FRRS1: variants seen among roughly 807,000 people sequenced by gnomAD.
The protein encoded by FRRS1 is ferric chelate reductase 1, also known as ferric reductase 1.
A neutral mutation model predicts 70.7 loss-of-function variants in FRRS1; 51 were observed. The observed-to-expected ratio is 0.72, with a 90% confidence interval of 0.58 to 0.91. FRRS1 has a LOEUF of 0.91. Ranked by LOEUF, FRRS1 falls within the 40% of genes least tolerant of loss-of-function variation. The probability of loss-of-function intolerance (pLI) is 0.00; values close to 1 mark genes in which losing one functional copy is unlikely to be tolerated. For synonymous variants in FRRS1, 225 were observed against 238.7 expected (o/e 0.94, Z 0.53); for missense variants, 672 against 726.0 (o/e 0.93, Z 0.86).
Position 99,748,568 on chromosome 1 carries a change from G to A in FRRS1, c.196+5C>T, listed in dbSNP as rs557642540. The A allele has an allele frequency of 2.1e-5, 33 of 1,608,988 alleles. No homozygotes were observed. The highest frequency in any genetic ancestry group is 6.7e-5 in the Admixed American group (4 of 59,862). ...AAATGTAAACAGTTAATCCCAGCAC[G>A]GTACCTTCAATCTGATCTCCTGGCC... On this transcript the variant is annotated splice_donor_5th_base_variant and intron_variant, in intron 3 of 16. Coordinates refer to ENST00000646001, the MANE Select transcript of FRRS1 (RefSeq NM_001361041.2).
Position 99,708,968 on chromosome 1 carries a change from A to C in FRRS1, c.*60T>G. On this transcript the variant is annotated 3_prime_UTR_variant, in exon 17 of 17. Transcript: ENST00000646001. ...CTCCAGGCAGTCAGGACAGGCTTCAAGTTTCTTTGGTTTGATGATAATTAT... is the reference window on the plus strand; with the variant it reads ...CTCCAGGCAGTCAGGACAGGCTTCACGTTTCTTTGGTTTGATGATAATTAT... The C allele has an allele frequency of 1.2e-6, 2 of 1,614,076 alleles. No homozygotes were observed. Among genetic ancestry groups the C allele is most frequent in the Non-Finnish European group, 1.7e-6 (2 of 1,180,010 alleles).
At chr1:99,739,249 C>T (rs1655835207) in intron 6 of FRRS1, among the ~76,000 whole-genome samples, 1 of 152,172 alleles carries the variant, frequency 6.6e-6, no homozygotes, top group Non-Finnish European at 1.5e-5. Flanking sequence ...AAACCTTTGA[C>T]TCTGAATGAA....
chr1:99,753,131 TGA>T, intron 1 of FRRS1, among the ~76,000 whole-genome samples: 1 of 151,448 alleles, frequency 6.6e-6, no homozygotes, highest in Non-Finnish European at 1.5e-5. Flanking sequence ...GAGGATCCAT[TGA>T]GCCCAAGAAT....
chr1:99,719,211 C>T (rs561039727), intron 10 of FRRS1, among the ~76,000 whole-genome samples: 300 of 152,096 alleles, frequency 2.0e-3, no homozygotes, highest in Non-Finnish European at 2.9e-3. Flanking sequence ...GAAATCGAGA[C>T]CATCCTGGCC....
chr1:99,714,137 A>G (rs1654405928), intron 12 of FRRS1, among the ~76,000 whole-genome samples: 1 of 151,916 alleles, frequency 6.6e-6, no homozygotes, highest in Admixed American at 6.6e-5. Context: ...AAATTGAGAG[A>G]CATTAGAGAA....
rs1365477767 is a variant in FRRS1 at position 99,748,894 on chromosome 1, T to C, written c.-1+3A>G. Reference sequence around the variant, plus strand: ...TGTTCAGCAAACCATATTCTCAACATACCTGATAAAAAGAATGTGATATGT... The same window carrying C: ...TGTTCAGCAAACCATATTCTCAACACACCTGATAAAAAGAATGTGATATGT... On this transcript the variant is annotated splice_donor_region_variant and intron_variant, in intron 2 of 16. Transcript: ENST00000646001. 6.4e-6 allele frequency: 4 copies of C among 625,094 alleles called. No homozygotes were observed. The highest frequency in any genetic ancestry group is 1.9e-5 in the African/African-American group (1 of 53,988). 38.7% of individuals were successfully genotyped at this position (625,094 alleles called of 1,614,324 possible).
intron 14 of FRRS1, 87 bp from the exon 15 acceptor site, chr1:99,711,036 A>G (rs1393078187): frequency 1.0e-5 from 11 of 1,091,188 alleles, no homozygotes; most frequent in African/African-American, 4.7e-5. Context: ...TATCAAGTAA[A>G]ACATACTAAA....
intron 11 of FRRS1, among the ~76,000 whole-genome samples, chr1:99,716,400 G>C (rs1013971189): frequency 6.6e-6 from 1 of 152,160 alleles, no homozygotes; most frequent in Non-Finnish European, 1.5e-5. Context: ...TTGATAAAGA[G>C]AATACACACA....
At chr1:99,730,845 C>T (rs1399486935) in intron 7 of FRRS1, among the ~76,000 whole-genome samples, 3 of 127,634 alleles carry the variant, frequency 2.4e-5, no homozygotes, top group African/African-American at 3.2e-5. Context: ...CCAGCCTGGG[C>T]AACAGAGCGA....
At chr1:99,730,838 GC>G (rs1486805229) in intron 7 of FRRS1, among the ~76,000 whole-genome samples, 1 of 142,174 alleles carries the variant, frequency 7.0e-6, no homozygotes, top group African/African-American at 2.7e-5. Flanking sequence ...CTGCACTCCA[GC>G]CTGGGCAACA....
chr1:99,725,944 A>G (rs1193116165), intron 9 of FRRS1, among the ~76,000 whole-genome samples: 2 of 152,252 alleles, frequency 1.3e-5, no homozygotes, highest in African/African-American at 4.8e-5. Context: ...GCAATTTAAG[A>G]AATCCATTTG....
chr1:99,718,969 T>G (rs746576016), intron 10 of FRRS1, among the ~76,000 whole-genome samples: 1 of 152,152 alleles, frequency 6.6e-6, no homozygotes, highest in Non-Finnish European at 1.5e-5. Flanking sequence ...CTGGTGATTT[T>G]AGTGTGTAGC....
chr1:99,725,357 G>A (rs945037594), intron 9 of FRRS1, among the ~76,000 whole-genome samples: 2 of 152,116 alleles, frequency 1.3e-5, no homozygotes, highest in African/African-American at 4.8e-5. Context: ...TCTAAACAAA[G>A]TTCTAGTATT....
At position 99,712,159 on chromosome 1, in the gene FRRS1, G is replaced by A. The variant is rs1654301035; in HGVS notation, c.1426C>T (p.Gln476Ter). 6.2e-7 allele frequency: 1 copy of A among 1,605,932 alleles called. No individual in the cohort carries two copies. Among genetic ancestry groups the A allele is most frequent in the African/African-American group, 1.3e-5 (1 of 74,706 alleles). The change falls in exon 14 of 17, where the codon CAA becomes TAA. Residue 476 changes from glutamine to a stop codon, truncating the protein, a stop_gained. Coordinates refer to ENST00000646001, the MANE Select transcript of FRRS1 (RefSeq NM_001361041.2). LOFTEE classifies it high-confidence loss of function. The stretch of plus-strand genomic sequence containing the variant: ...CTCCAATGAGTCCAGTTAAACATTT[G>A]CCTTCTACCAAAATAAGAACCAGTC... ...FRPPLHDPRR[Q>*]MFNWTHWSMG... is the part of the protein sequence containing the mutation.
At chr1:99,712,358 A>T in intron 13 of FRRS1, 60 bp downstream of exon 13, 1 of 1,220,640 alleles carries the variant, frequency 8.2e-7, no homozygotes, top group Non-Finnish European at 1.2e-6. Flanking sequence ...AAAACAGATT[A>T]GTTTGCCAAC....
At chr1:99,729,275 T>G (rs1329862237) in intron 8 of FRRS1, among the ~76,000 whole-genome samples, 1 of 152,126 alleles carries the variant, frequency 6.6e-6, no homozygotes, top group Non-Finnish European at 1.5e-5. Flanking sequence ...CTTCATCAAA[T>G]GTGCTCCTCT....
intron 4 of FRRS1, among the ~76,000 whole-genome samples, chr1:99,744,058 C>A (rs1355573293): frequency 9.8e-6 from 1 of 102,316 alleles, no homozygotes; most frequent in Non-Finnish European, 1.8e-5. Flanking sequence ...AGTATAAGAA[C>A]GATTGTAAAA....
Position 99,707,761 on chromosome 1 carries a change from C to T in FRRS1, c.*1267G>A, listed in dbSNP as rs367697368. On this transcript the variant is annotated 3_prime_UTR_variant, in exon 17 of 17. Coordinates refer to ENST00000646001, the MANE Select transcript of FRRS1 (RefSeq NM_001361041.2). ...GCGCCACCCACTGGCTAGAAGTCCT[C>T]ATAGCACATATGAGATGTAGCCATA... is the stretch of plus-strand genomic sequence containing the variant. 1.3e-5 allele frequency among the ~76,000 whole-genome samples: 2 copies of T among 152,248 alleles called. No individual in the cohort carries two copies. The highest frequency in any genetic ancestry group is 2.1e-4 in the South Asian group (1 of 4,822).
At position 99,728,785 on chromosome 1, in the gene FRRS1, C is replaced by T. The variant is rs568182272; in HGVS notation, c.859-145G>A. 6.0e-5 allele frequency: 34 copies of T among 570,098 alleles called. No homozygotes were observed. In the South Asian group the frequency reaches 6.8e-4, roughly 11 times the overall value. 35.3% of individuals were successfully genotyped at this position (570,098 alleles called of 1,614,324 possible). A position where few individuals can be genotyped will look rare whatever the true frequency, so the allele number is the denominator to read the frequency against. ...CTGCAGTGTCATTGTTTTTCCACTT[C>T]CTCTTTGAAGAGAACAAGAAACATT... is the stretch of plus-strand genomic sequence containing the variant. On this transcript the variant is annotated intron_variant, in intron 8 of 16. Coordinates refer to ENST00000646001, the MANE Select transcript of FRRS1 (RefSeq NM_001361041.2).
Sources: gnomAD v4.1 joint callset for allele counts (sites outside exome capture counted in the v4.1 genomes callset) on GRCh38, gnomAD v4.1.1 for gene constraint, MANE v1.5 for transcripts, NCBI Gene and HGNC (gene_info 2026-07-23, HGNC 2026-07-21) for gene names.